Variants in ENC1 observed in about 807,000 individuals in gnomAD.
The protein encoded by ENC1 is ectoderm-neural cortex protein 1.
Under a neutral mutation model 40.9 loss-of-function variants are expected in ENC1, and 19 were observed. The ratio of observed to expected loss-of-function variants is 0.46; its 90% CI spans 0.32 to 0.68. ENC1 has a LOEUF of 0.68. Ranked by LOEUF, ENC1 falls within the 30% of genes least tolerant of loss-of-function variation. The pLI is 0.03. For synonymous variants in ENC1, 285 were observed against 291.1 expected (o/e 0.98, Z 0.21); for missense variants, 479 against 737.5 (o/e 0.65, Z 4.06).
At position 74,629,835 on chromosome 5, in the gene ENC1, C is replaced by A. The variant is rs77727578; in HGVS notation, c.*190G>T. On this transcript the variant is annotated 3_prime_UTR_variant, in exon 3 of 3. Coordinates refer to ENST00000302351, the MANE Select transcript of ENC1 (RefSeq NM_003633.4). ...GCTACTTGCACCAAAAATCCCACCC[C>A]CCTCCCTCGCCCCTTTCCTTCATGT... 1.9e-5 allele frequency: 2 copies of A among 107,904 alleles called. No homozygotes were observed. The highest frequency in any genetic ancestry group is 3.5e-5 in the Non-Finnish European group (2 of 57,534). The allele number at this position is 107,904 out of a possible 1,614,324, so 6.7% of individuals were successfully genotyped here.
At chr5:74,632,562 G>A (rs558797628) in intron 2 of ENC1, among the ~76,000 whole-genome samples, 16 of 152,282 alleles carry the variant, frequency 1.1e-4, no homozygotes, top group Middle Eastern at 3.4e-3. Context: ...AAAAAAAATA[G>A]CAAGCTGGAG....
At position 74,635,213 on chromosome 5, in the gene ENC1, T is replaced by C; in HGVS notation, c.1273A>G (p.Thr425Ala). The change falls in exon 2 of 3, where the codon ACC becomes GCC. Residue 425 changes from threonine (T) to alanine (A), a missense_variant. Physicochemically the swap from Thr to Ala is moderately conservative, Grantham distance 58. Transcript: ENST00000302351. The surrounding 1 kb of genome is among the most constrained non-coding windows in gnomAD (Gnocchi z 5.5). ...CCTTCTCGGAGTGGGGCCACCATGG[T>C]CCATTTGTTGATTGTGGGGTCATAA... ...EHYDPTINKW[T>A]MVAPLREGVS... The C allele has an allele frequency of 6.2e-7, 1 of 1,614,104 alleles. No individual in the cohort carries two copies. The highest frequency in any genetic ancestry group is 8.5e-7 in the Non-Finnish European group (1 of 1,179,998).
In ENC1 at chr5:74,630,209, C is replaced by G. The variant is rs60551216; in HGVS notation, c.*33-217G>C. On this transcript the variant is annotated intron_variant, in intron 2 of 2. Transcript: ENST00000302351. ...TGCCTTAAATGCACACACGTGTGCACGTACACATCCATGCAGATGGCTGGC... is the reference window on the plus strand; with the variant it reads ...TGCCTTAAATGCACACACGTGTGCAGGTACACATCCATGCAGATGGCTGGC... Among the ~76,000 whole-genome samples the G allele has an allele frequency of 4.7e-3, 717 of 152,278 alleles. 10 individuals carry two copies. The highest frequency in any genetic ancestry group is 0.017 in the African/African-American group (691 of 41,568).
At chr5:74,631,003 T>C (rs1309316358) in intron 2 of ENC1, among the ~76,000 whole-genome samples, 1 of 152,130 alleles carries the variant, frequency 6.6e-6, no homozygotes, top group African/African-American at 2.4e-5. Flanking sequence ...TACGGTGTCA[T>C]TGCCCCACCT....
Position 74,627,688 on chromosome 5 carries a change from T to C in ENC1, c.*2337A>G, listed in dbSNP as rs1747248734. 6.6e-6 allele frequency: 1 copy of C among 152,612 alleles called. No homozygotes were observed. The highest frequency in any genetic ancestry group is 2.4e-5 in the African/African-American group (1 of 41,436). 9.5% of individuals were successfully genotyped at this position (152,612 alleles called of 1,614,324 possible). A position where few individuals can be genotyped will look rare whatever the true frequency, so the allele number is the denominator to read the frequency against. ...ACCAGAAGTGGAGGGCTGCCCTTTG[T>C]TATGTGTTTCTACAGCAACCAGCCC... On this transcript the variant is annotated 3_prime_UTR_variant, in exon 3 of 3. Coordinates refer to ENST00000302351, the MANE Select transcript of ENC1 (RefSeq NM_003633.4).
chr5:74,634,955 ATTTATAAG>A lies in ENC1; in HGVS notation c.1523_1530del (p.Ala508ValfsTer4), dbSNP rs749403473. On this transcript the variant is annotated frameshift_variant, in exon 2 of 3. Coordinates refer to ENST00000302351, the MANE Select transcript of ENC1 (RefSeq NM_003633.4). LOFTEE classifies it high-confidence loss of function. ...GTCCACTGGTAAGTCTCACTGTTGA[ATTTATAAG>A]CAGAGCAGGCAGAGAATTCTGTATC... The A allele has an allele frequency of 6.2e-7, 1 of 1,614,170 alleles. No individual in the cohort carries two copies. The highest frequency in any genetic ancestry group is 2.2e-5 in the East Asian group (1 of 44,872).
intron 1 of ENC1, among the ~76,000 whole-genome samples, chr5:74,638,791 C>T (rs1747708587): frequency 6.6e-6 from 1 of 152,338 alleles, no homozygotes. Flanking sequence ...AATCTGCCGC[C>T]TCTCTCAGAG....
chr5:74,628,730 T>G lies in ENC1; in HGVS notation c.*1295A>C, dbSNP rs1176736773. On this transcript the variant is annotated 3_prime_UTR_variant, in exon 3 of 3. Transcript: ENST00000302351. ...GCTAAATCATATAGCAAGAAGAGAA[T>G]GAGTTCAGGCCCAGTAAATCTGGTG... is the stretch of plus-strand genomic sequence containing the variant. 6.6e-6 allele frequency: 1 copy of G among 152,184 alleles called. No homozygotes were observed. The highest frequency in any genetic ancestry group is 1.5e-5 in the Non-Finnish European group (1 of 68,044). The allele number at this position is 152,184 out of a possible 1,614,324, so 9.4% of individuals were successfully genotyped here. A position where few individuals can be genotyped will look rare whatever the true frequency, so the allele number is the denominator to read the frequency against.
intron 1 of ENC1, among the ~76,000 whole-genome samples, chr5:74,638,468 G>A (rs778513473): frequency 3.9e-5 from 6 of 152,186 alleles, no homozygotes; most frequent in African/African-American, 7.2e-5. Flanking sequence ...GAGCTCCAGT[G>A]TTAGGAAGAC....
rs1300172203 is a variant in ENC1 at position 74,627,528 on chromosome 5, A to C, written c.*2497T>G. On this transcript the variant is annotated 3_prime_UTR_variant, in exon 3 of 3. Transcript: ENST00000302351. ...AGCAAACAAGTACATATGAACATGA[A>C]CATTTTCCTTCAACTTATACAGAGT... is the stretch of plus-strand genomic sequence containing the variant. The C allele has an allele frequency of 2.0e-5, 3 of 152,670 alleles. No individual in the cohort carries two copies. The highest frequency in any genetic ancestry group is 4.8e-5 in the African/African-American group (2 of 41,464). 9.5% of individuals were successfully genotyped at this position (152,670 alleles called of 1,614,324 possible). A position where few individuals can be genotyped will look rare whatever the true frequency, so the allele number is the denominator to read the frequency against.
At chr5:74,637,170 C>T (rs1008789898) in intron 1 of ENC1, among the ~76,000 whole-genome samples, 1 of 152,204 alleles carries the variant, frequency 6.6e-6, no homozygotes, top group African/African-American at 2.4e-5. Flanking sequence ...GGCTTGAGTG[C>T]AGTGGTGCAA....
chr5:74,634,652 T>C (rs2112026109), intron 2 of ENC1, 32 bp downstream of exon 2: 2 of 1,029,998 alleles, frequency 1.9e-6, no homozygotes, highest in South Asian at 3.0e-5. Context: ...CCTAATTATA[T>C]GCATACTTAC....
chr5:74,630,768 T>C lies in ENC1; in HGVS notation c.*33-776A>G, dbSNP rs184718975. ...TGCATTTCCTCACACTGCTTACTCT[T>C]CCCATTTATTTATTTCTCATTTCAT... On this transcript the variant is annotated intron_variant, in intron 2 of 2. Transcript: ENST00000302351. Among the ~76,000 whole-genome samples the C allele has an allele frequency of 3.9e-5, 6 of 152,350 alleles. No individual in the cohort carries two copies. In the East Asian group the frequency reaches 1.2e-3, roughly 29 times the overall value.
Position 74,635,181 on chromosome 5 carries a change from G to C in ENC1, c.1305C>G (p.Ser435Arg), listed in dbSNP as rs770103291. Reference sequence around the variant, plus strand: ...GTTTGGCACTCACTACTGCGGCGTTGCTAACGCCTTCTCGGAGTGGGGCCA... The same window carrying C: ...GTTTGGCACTCACTACTGCGGCGTTCCTAACGCCTTCTCGGAGTGGGGCCA... ...TMVAPLREGV[S>R]NAAVVSAKLK... Residue 435 changes from serine to arginine, a missense_variant, in exon 2 of 3, where the codon AGC becomes AGG. Ser to Arg is a moderately radical substitution (Grantham distance 110). Coordinates refer to ENST00000302351, the MANE Select transcript of ENC1 (RefSeq NM_003633.4). The surrounding 1 kb of genome is among the most constrained non-coding windows in gnomAD (Gnocchi z 5.5). 1.2e-6 allele frequency: 2 copies of C among 1,614,022 alleles called. No individual in the cohort carries two copies. The highest frequency in any genetic ancestry group is 1.7e-6 in the Non-Finnish European group (2 of 1,179,972).
At chr5:74,639,470 T>A (rs1381777476) in intron 1 of ENC1, among the ~76,000 whole-genome samples, 1 of 152,234 alleles carries the variant, frequency 6.6e-6, no homozygotes. Flanking sequence ...TTCATGCTCC[T>A]AACTCAGGCT....
rs1460685128 is a variant in ENC1, at chr5:74,636,341, G to A, written c.145C>T (p.Leu49Phe). The change falls in exon 2 of 3, where the codon CTT (leucine) becomes TTT (phenylalanine). Residue 49 changes from leucine (L) to phenylalanine (F), a missense_variant. Coordinates refer to ENST00000302351, the MANE Select transcript of ENC1 (RefSeq NM_003633.4). The surrounding 1 kb of genome is among the most constrained non-coding windows in gnomAD (Gnocchi z 4.8). ...AAGGTCCTATTTCCGGCATGGAGAA[G>A]GACGTCAGTGAAGAGACGCTGCTGG... ...LRQQRLFTDV[L>F]LHAGNRTFPC... 6.2e-7 allele frequency: 1 copy of A among 1,614,192 alleles called. No homozygotes were observed. Among genetic ancestry groups the A allele is most frequent in the South Asian group, 1.1e-5 (1 of 91,080 alleles).
Position 74,636,398 on chromosome 5 carries a change from C to T in ENC1, c.88G>A (p.Asp30Asn), listed in dbSNP as rs960370545. 1 of 1,614,002 alleles carries T rather than the reference C, an allele frequency of 6.2e-7. No homozygotes were observed. The highest frequency in any genetic ancestry group is 1.7e-5 in the Admixed American group (1 of 59,998). Reference protein sequence around the residue: ...IYLFHKSSYADSVLTHLNLLR... With the variant: ...IYLFHKSSYANSVLTHLNLLR... ...AGATTCAGGTGAGTGAGGACGCTGT[C>T]AGCGTAGGAGGACTTGTGAAACAGA... Residue 30 changes from aspartate (D) to asparagine (N), a missense_variant, in exon 2 of 3, where the codon GAC becomes AAC. Physicochemically the swap from Asp to Asn is conservative, Grantham distance 23. Transcript: ENST00000302351. This position sits in a 1 kb window ranked among gnomAD's most constrained non-coding sequence, Gnocchi z 4.8.
rs748568186 is a variant in ENC1, at chr5:74,635,161, G to A, written c.1325C>T (p.Ala442Val). The A allele has an allele frequency of 2.5e-6, 4 of 1,614,198 alleles. No homozygotes were observed. The highest frequency in any genetic ancestry group is 3.4e-6 in the Non-Finnish European group (4 of 1,180,040). ...TCCGAAAGCAAATAACTTAAGTTTG[G>A]CACTCACTACTGCGGCGTTGCTAAC... ...EGVSNAAVVS[A>V]KLKLFAFGGT... Residue 442 changes from alanine to valine, a missense_variant, in exon 2 of 3, where the codon GCC (alanine) becomes GTC (valine). Ala to Val is a moderately conservative substitution (Grantham distance 64, BLOSUM62 0). Coordinates refer to ENST00000302351, the MANE Select transcript of ENC1 (RefSeq NM_003633.4). This position sits in a 1 kb window ranked among gnomAD's most constrained non-coding sequence, Gnocchi z 5.5.
At chr5:74,634,305 G>A (rs1383465832) in intron 2 of ENC1, among the ~76,000 whole-genome samples, 4 of 152,178 alleles carry the variant, frequency 2.6e-5, no homozygotes, top group East Asian at 1.9e-4. Context: ...CCAGCTATTC[G>A]GGAGGCTGAG....
Sources: gnomAD v4.1 joint callset for allele counts (sites outside exome capture counted in the v4.1 genomes callset) on GRCh38, gnomAD v4.1.1 for gene constraint, Gnocchi (gnomAD v3.1) non-coding constraint, MANE v1.5 for transcripts, NCBI Gene and HGNC (gene_info 2026-07-23, HGNC 2026-07-21) for gene names.